The following COL6A6 variants were observed in gnomAD, a reference collection of about 807,000 sequenced individuals.
COL6A6 encodes the protein collagen type VI alpha 6 chain.
COL6A6 carries 183 observed loss-of-function variants against 208.6 expected under a neutral mutation model. The ratio of observed to expected loss-of-function variants is 0.88; its 90% CI spans 0.78 to 0.99. The LOEUF (loss-of-function observed/expected upper bound fraction) is 0.99, where lower values mean the gene tolerates loss of function less well. COL6A6 is among the 50% of genes least tolerant of loss of function. The pLI is 0.00. For missense variants in COL6A6, 2,816 were observed against 2,815.2 expected, an observed-to-expected ratio of 1.00 and a Z score of -0.01; for synonymous variants, 973 against 1,011.8, an observed-to-expected ratio of 0.96 and a Z score of 0.73.
At chr3:130,547,002 C>T (rs2062522343) in intron 1 of COL6A6, among the ~76,000 whole-genome samples, 1 of 152,272 alleles carries the variant, frequency 6.6e-6, no homozygotes, top group African/African-American at 2.4e-5. Flanking sequence ...GCTGGCTTCC[C>T]CTAGTGGATC....
intron 20 of COL6A6, among the ~76,000 whole-genome samples, chr3:130,606,313 A>T (rs2108181069): frequency 6.6e-6 from 1 of 152,166 alleles, no homozygotes; most frequent in South Asian, 2.1e-4. Flanking sequence ...TGGCAGGAAA[A>T]CTCGATTATG....
At chr3:130,564,461 A>T (rs543044742) in intron 3 of COL6A6, among the ~76,000 whole-genome samples, 1 of 152,368 alleles carries the variant, frequency 6.6e-6, no homozygotes, top group Admixed American at 6.5e-5. Flanking sequence ...TCCCTGATTA[A>T]ATCAGTTTGA....
At chr3:130,600,570 A>G (rs112625806) in intron 20 of COL6A6, among the ~76,000 whole-genome samples, 10 of 152,350 alleles carry the variant, frequency 6.6e-5, no homozygotes, top group African/African-American at 2.4e-4. Flanking sequence ...TTGCAGGGAT[A>G]TGGATGAAGC....
At chr3:130,578,785 G>C (rs2063353004) in intron 8 of COL6A6, among the ~76,000 whole-genome samples, 1 of 152,184 alleles carries the variant, frequency 6.6e-6, no homozygotes, top group South Asian at 2.1e-4. Context: ...GAAGGGACCA[G>C]GGCCTCCCTA....
intron 23 of COL6A6, among the ~76,000 whole-genome samples, chr3:130,616,642 C>T (rs1466473070): frequency 2.0e-5 from 3 of 149,284 alleles, no homozygotes; most frequent in Admixed American, 6.7e-5. Context: ...CTTATGCTTT[C>T]TTAGTGAATG....
intron 3 of COL6A6, among the ~76,000 whole-genome samples, chr3:130,564,352 T>G (rs2062966276): frequency 6.6e-6 from 1 of 152,232 alleles, no homozygotes; most frequent in African/African-American, 2.4e-5. Context: ...GGTCAAGAGT[T>G]GGTGATCATC....
intron 8 of COL6A6, among the ~76,000 whole-genome samples, chr3:130,576,795 G>A (rs1485533737): frequency 1.3e-5 from 2 of 152,300 alleles, no homozygotes; most frequent in Non-Finnish European, 2.9e-5. Flanking sequence ...AGCTTCAAAG[G>A]CATGTACAAA....
intron 25 of COL6A6, 93 bp from the exon 26 acceptor site, chr3:130,627,226 C>A: frequency 1.6e-6 from 2 of 1,253,016 alleles, no homozygotes; most frequent in Non-Finnish European, 2.3e-6. Context: ...TTTCCTTTAT[C>A]AAACCAAAAA....
At chr3:130,654,569 C>G (rs947109269) in intron 33 of COL6A6, among the ~76,000 whole-genome samples, 36 of 152,212 alleles carry the variant, frequency 2.4e-4, no homozygotes, top group Non-Finnish European at 2.2e-4. Context: ...TAGGTATACC[C>G]ATATACACAC....
At chr3:130,669,068 T>C (rs2066145835) in intron 36 of COL6A6, among the ~76,000 whole-genome samples, 1 of 152,222 alleles carries the variant, frequency 6.6e-6, no homozygotes, top group Non-Finnish European at 1.5e-5. Context: ...ACAATCCACA[T>C]TGTCTGACCA....
chr3:130,545,620 A>T (rs2062476334), intron 1 of COL6A6, among the ~76,000 whole-genome samples: 2 of 55,614 alleles, frequency 3.6e-5, no homozygotes, highest in Non-Finnish European at 1.1e-4. Context: ...CTCCTGGCTA[A>T]AGTTTGTATT....
Position 130,568,267 on chromosome 3 carries a change from A to C in COL6A6, c.2064A>C (p.Ala688=), listed in dbSNP as rs1310271479. The change falls in exon 6 of 37, where the codon GCA becomes GCC. Residue 688 remains alanine (A), a synonymous_variant. Transcript: ENST00000358511. ...RFMSQSDISN[A]IDQMAHIGQT... ...TGTCCCAAAGCGACATTTCAAATGC[A>C]ATAGACCAAATGGCTCACATTGGAC... The C allele has an allele frequency of 6.2e-7, 1 of 1,613,926 alleles. No individual in the cohort carries two copies. The highest frequency in any genetic ancestry group is 8.5e-7 in the Non-Finnish European group (1 of 1,179,916).
chr3:130,577,891 G>C (rs1205134194), intron 8 of COL6A6, among the ~76,000 whole-genome samples: 1 of 152,098 alleles, frequency 6.6e-6, no homozygotes, highest in Admixed American at 6.5e-5. Context: ...GGAGTAATGG[G>C]GTTAATTCAC....
intron 1 of COL6A6, among the ~76,000 whole-genome samples, chr3:130,539,452 A>G (rs1015256467): frequency 5.3e-5 from 8 of 152,036 alleles, no homozygotes; most frequent in African/African-American, 1.9e-4. Flanking sequence ...TGACCAACAT[A>G]GGGAAACCCC....
intron 8 of COL6A6, 36 bp downstream of exon 8, chr3:130,574,561 C>T (rs1014213765): frequency 6.5e-7 from 1 of 1,532,546 alleles, no homozygotes; most frequent in Non-Finnish European, 9.0e-7. Flanking sequence ...CGATTCCCTA[C>T]ACCATCTTCT....
intron 1 of COL6A6, among the ~76,000 whole-genome samples, chr3:130,523,792 AC>A (rs1711221919): frequency 6.6e-6 from 1 of 152,136 alleles, no homozygotes; most frequent in South Asian, 2.1e-4. Flanking sequence ...GTCTTTTAAA[AC>A]CTTTCAAGAG....
At chr3:130,618,611 C>T (rs1405685970) in intron 23 of COL6A6, among the ~76,000 whole-genome samples, 1 of 152,144 alleles carries the variant, frequency 6.6e-6, no homozygotes, top group Non-Finnish European at 1.5e-5. Flanking sequence ...CCTTATCTAA[C>T]CAGCAGTGTT....
rs144640902 is a variant in COL6A6 at position 130,552,959 on chromosome 3, A to G, written c.-31-7375A>G. On this transcript the variant is annotated intron_variant, in intron 1 of 36. Coordinates refer to ENST00000358511, the MANE Select transcript of COL6A6 (RefSeq NM_001102608.3). ...GGTTGGAAATTCTTTAAGAATGCTGAATAATATAGGCCTCCAATCTCTTCT... is the reference window on the plus strand; with the variant it reads ...GGTTGGAAATTCTTTAAGAATGCTGGATAATATAGGCCTCCAATCTCTTCT... Among the ~76,000 whole-genome samples, 684 of 152,346 alleles carry G rather than the reference A, an allele frequency of 4.5e-3. 6 individuals carry two copies. Among genetic ancestry groups the G allele is most frequent in the African/African-American group, 0.016 (646 of 41,582 alleles).
At chr3:130,675,122 T>A (rs1012105928) in intron 36 of COL6A6, 80 bp from the exon 37 acceptor site, 1 of 916,222 alleles carries the variant, frequency 1.1e-6, no homozygotes, top group Non-Finnish European at 1.5e-6. Context: ...AAACAATTAA[T>A]TTACTATGAC....
Sources: allele counts gnomAD v4.1 joint callset (sites outside exome capture counted in the v4.1 genomes callset), GRCh38; gene constraint gnomAD v4.1.1; transcripts MANE v1.5; gene names NCBI Gene and HGNC (gene_info 2026-07-23, HGNC 2026-07-21).